The following DOCK4 variants were observed in gnomAD, a reference collection of about 807,000 sequenced individuals.
DOCK4 encodes dedicator of cytokinesis protein 4.
A neutral mutation model predicts 268.1 loss-of-function variants in DOCK4; 97 were observed. The observed-to-expected ratio is 0.36, with a 90% CI of 0.31 to 0.43. The LOEUF is 0.43. Among genes scored for constraint, DOCK4 ranks in the 20% least tolerant of loss-of-function variants. The pLI is 1.00. For synonymous variants in DOCK4, 954 were observed against 887.2 expected (o/e 1.08, Z -1.34); for missense variants, 2,145 against 2,455.7 (o/e 0.87, Z 2.67).
chr7:112,163,995 T>C (rs1452078197), intron 1 of DOCK4, among the ~76,000 whole-genome samples: 1 of 152,196 alleles, frequency 6.6e-6, no homozygotes, highest in African/African-American at 2.4e-5. Flanking sequence ...ACACAGACCC[T>C]ATCTTGGCCA....
At chr7:112,201,976 C>A (rs1402337349) in intron 1 of DOCK4, among the ~76,000 whole-genome samples, 1 of 152,224 alleles carries the variant, frequency 6.6e-6, no homozygotes, top group African/African-American at 2.4e-5. Context: ...ACACTTACTT[C>A]ATTTACTATA....
intron 23 of DOCK4, among the ~76,000 whole-genome samples, chr7:111,856,967 T>C (rs1382014819): frequency 6.6e-6 from 1 of 152,238 alleles, no homozygotes; most frequent in Non-Finnish European, 1.5e-5. Context: ...AGCCCTTATT[T>C]CTGCAACTTT....
chr7:112,013,847 T>A (rs1009686122), intron 1 of DOCK4, among the ~76,000 whole-genome samples: 10 of 145,136 alleles, frequency 6.9e-5, no homozygotes, highest in Admixed American at 6.0e-4. Flanking sequence ...AAGGAAGGCT[T>A]AGCCTGTACC....
chr7:112,126,838 T>G, intron 1 of DOCK4, among the ~76,000 whole-genome samples: 1 of 151,984 alleles, frequency 6.6e-6, no homozygotes. Context: ...ATCAGAGAAA[T>G]GCAAATCAAA....
At chr7:111,928,291 A>G (rs989976491) in intron 12 of DOCK4, among the ~76,000 whole-genome samples, 10 of 152,184 alleles carry the variant, frequency 6.6e-5, no homozygotes, top group Non-Finnish European at 1.0e-4. Flanking sequence ...AAATACTTCC[A>G]TATTTTTCCT....
intron 27 of DOCK4, among the ~76,000 whole-genome samples, chr7:111,814,360 A>C (rs1288402443): frequency 4.6e-5 from 7 of 152,134 alleles, no homozygotes; most frequent in African/African-American, 1.4e-4. Context: ...GGGAGCTTTT[A>C]AAATACAATG....
At chr7:111,906,516 C>T (rs1791582369) in intron 13 of DOCK4, among the ~76,000 whole-genome samples, 1 of 152,144 alleles carries the variant, frequency 6.6e-6, no homozygotes, top group African/African-American at 2.4e-5. Flanking sequence ...AATGCATGCA[C>T]TAGACACATG....
chr7:111,879,364 TG>T (rs1287840209), intron 16 of DOCK4, among the ~76,000 whole-genome samples: 1 of 152,140 alleles, frequency 6.6e-6, no homozygotes, highest in Non-Finnish European at 1.5e-5. Context: ...TGAGACGTCC[TG>T]GCTTCATGTG....
chr7:111,941,662 C>T (rs1293346724), intron 10 of DOCK4, among the ~76,000 whole-genome samples: 2 of 151,768 alleles, frequency 1.3e-5, no homozygotes, highest in Non-Finnish European at 2.9e-5. Context: ...AAACTAGAAA[C>T]TGCAAACAAG....
chr7:112,171,399 T>TA (rs1818068074), intron 1 of DOCK4, among the ~76,000 whole-genome samples: 1 of 148,912 alleles, frequency 6.7e-6, no homozygotes, highest in African/African-American at 2.4e-5. Context: ...ATAATCCATG[T>TA]AAAAAAACTG....
In DOCK4 at chr7:111,980,160, T is replaced by C. The variant is rs112104616; in HGVS notation, c.550-2877A>G. On this transcript the variant is annotated intron_variant, in intron 7 of 52. Transcript: ENST00000428084. The stretch of plus-strand genomic sequence containing the variant: ...CATGCTAGTAATAAGCCTGCCTGAC[T>C]CTACCCTTTGCACATTTAACATGGG... Among the ~76,000 whole-genome samples, 1,242 of 152,284 alleles carry C rather than the reference T, an allele frequency of 8.2e-3. 21 individuals carry two copies. Among genetic ancestry groups the C allele is most frequent in the African/African-American group, 0.028 (1,172 of 41,546 alleles).
chr7:112,066,683 A>ATATATATATATG (rs1405500495), intron 1 of DOCK4, among the ~76,000 whole-genome samples: 1 of 15,982 alleles, frequency 6.3e-5, no homozygotes, highest in African/African-American at 3.4e-4. Flanking sequence ...ATACATATAT[A>ATATATATATATG]CATATACATA....
chr7:112,189,431 G>A (rs938258883), intron 1 of DOCK4, among the ~76,000 whole-genome samples: 2 of 152,284 alleles, frequency 1.3e-5, no homozygotes, highest in South Asian at 4.1e-4. Context: ...CCATTACATG[G>A]TGGCCAGAGG....
At chr7:112,066,510 CTCTA>C (rs1399156587) in intron 1 of DOCK4, among the ~76,000 whole-genome samples, 1 of 134,712 alleles carries the variant, frequency 7.4e-6, no homozygotes, top group African/African-American at 3.6e-5. Context: ...CTCTCTCTCT[CTCTA>C]TATATATACA....
intron 1 of DOCK4, among the ~76,000 whole-genome samples, chr7:112,160,374 T>C (rs1175184752): frequency 6.6e-6 from 1 of 152,196 alleles, no homozygotes; most frequent in East Asian, 1.9e-4. Flanking sequence ...GAGAACAGTA[T>C]GATATCTAGA....
chr7:111,896,488 T>C (rs867108980), intron 15 of DOCK4, among the ~76,000 whole-genome samples: 1,853 of 137,808 alleles, frequency 0.013, 62 homozygotes, highest in African/African-American at 0.042. Context: ...TCCACCAAGG[T>C]TTTTTTTTTT....
chr7:112,117,683 T>C (rs1812311130), intron 1 of DOCK4, among the ~76,000 whole-genome samples: 2 of 152,256 alleles, frequency 1.3e-5, no homozygotes, highest in Admixed American at 1.3e-4. Flanking sequence ...CTTTTCTTTT[T>C]GTAAAATGTA....
At chr7:111,961,248 C>T (rs1796869760) in intron 8 of DOCK4, among the ~76,000 whole-genome samples, 2 of 152,334 alleles carry the variant, frequency 1.3e-5, no homozygotes, top group African/African-American at 4.8e-5. Flanking sequence ...ACACCCATTT[C>T]ACTTCCTTCA....
At chr7:111,965,153 A>G (rs1797281373) in intron 8 of DOCK4, among the ~76,000 whole-genome samples, 1 of 88,346 alleles carries the variant, frequency 1.1e-5, no homozygotes, top group Non-Finnish European at 2.0e-5. Context: ...TCAACTAATG[A>G]GCAAAATCAC....
Sources: allele counts gnomAD v4.1 joint callset (sites outside exome capture counted in the v4.1 genomes callset), GRCh38; gene constraint gnomAD v4.1.1; transcripts MANE v1.5; gene names NCBI Gene and HGNC (gene_info 2026-07-23, HGNC 2026-07-21).